The following MEAK7 variants were observed in gnomAD, a reference collection of about 807,000 sequenced individuals.
The protein encoded by MEAK7 is MTOR-associated protein MEAK7.
A neutral mutation model predicts 40.5 loss-of-function variants in MEAK7; 68 were observed. The ratio of observed to expected loss-of-function variants is 1.68; its 90% CI spans 1.38 to 2.06. MEAK7 has a LOEUF of 2.06. MEAK7 is among the 30% of genes most tolerant of loss of function. The pLI is 0.00. For synonymous variants in MEAK7, 338 were observed against 231.9 expected, an observed-to-expected ratio of 1.46 and a Z score of -4.16; for missense variants, 918 against 580.5, an observed-to-expected ratio of 1.58 and a Z score of -5.98.
chr16:84,487,820 G>C (rs1172961244), intron 4 of MEAK7: 3 of 152,232 alleles, frequency 2.0e-5, no homozygotes, highest in Admixed American at 6.5e-5. Context: ...CCAAGGTCTG[G>C]ACCTCTGTGC....
intron 5 of MEAK7, among the ~76,000 whole-genome samples, chr16:84,483,420 T>C (rs1189358079): frequency 6.6e-6 from 1 of 152,230 alleles, no homozygotes; most frequent in East Asian, 1.9e-4. Flanking sequence ...TTCTGAGGAC[T>C]TGGCCGGAAG....
At position 84,477,628 on chromosome 16, in the gene MEAK7, G is replaced by C. The variant is rs1026674291; in HGVS notation, c.*2285C>G. ...CTAGCACTTTCTAGGGCCCTGATAA[G>C]TCTTCATTTGTAGGGAGACCTCTAG... On this transcript the variant is annotated 3_prime_UTR_variant, in exon 8 of 8. Transcript: ENST00000343629. The C allele has an allele frequency of 6.8e-6, 1 of 148,032 alleles. No homozygotes were observed. Among genetic ancestry groups the C allele is most frequent in the Non-Finnish European group, 1.5e-5 (1 of 67,234 alleles). The allele number at this position is 148,032 out of a possible 1,614,324, so 9.2% of individuals were successfully genotyped here.
chr16:84,496,881 A>AT (rs1275036377), intron 2 of MEAK7, among the ~76,000 whole-genome samples: 1 of 152,036 alleles, frequency 6.6e-6, no homozygotes, highest in Non-Finnish European at 1.5e-5. Flanking sequence ...AGCAGCTGCC[A>AT]TTTGCATGTC....
At chr16:84,495,043 C>T (rs907723566) in intron 3 of MEAK7, among the ~76,000 whole-genome samples, 2 of 152,148 alleles carry the variant, frequency 1.3e-5, no homozygotes, top group South Asian at 2.1e-4. Flanking sequence ...CCAAGGCAGG[C>T]GGACCACCTA....
In MEAK7 at chr16:84,478,621, G is replaced by C. The variant is rs111608997; in HGVS notation, c.*1292C>G. Reference sequence around the variant, plus strand: ...TCTCATGGCCAACCGGTGACTCACCGTGTGTTGTTTTCCAGACGTGGGCAG... The same window carrying C: ...TCTCATGGCCAACCGGTGACTCACCCTGTGTTGTTTTCCAGACGTGGGCAG... On this transcript the variant is annotated 3_prime_UTR_variant, in exon 8 of 8. Transcript: ENST00000343629. 6.6e-6 allele frequency: 1 copy of C among 152,200 alleles called. No individual in the cohort carries two copies. Among genetic ancestry groups the C allele is most frequent in the African/African-American group, 2.4e-5 (1 of 41,430 alleles). The allele number at this position is 152,200 out of a possible 1,614,324, so 9.4% of individuals were successfully genotyped here.
chr16:84,482,735 A>G, intron 5 of MEAK7, 25 bp from the exon 6 acceptor site: 1 of 1,613,376 alleles, frequency 6.2e-7, no homozygotes, highest in Non-Finnish European at 8.5e-7. Flanking sequence ...AGAACAAAAC[A>G]AACAGGGTCG....
At chr16:84,484,011 T>C (rs1416704198) in intron 5 of MEAK7, among the ~76,000 whole-genome samples, 1 of 152,182 alleles carries the variant, frequency 6.6e-6, no homozygotes, top group East Asian at 1.9e-4. Flanking sequence ...GACGCCGCCA[T>C]GAACAGCTGG....
chr16:84,485,095 G>A (rs903614917), intron 5 of MEAK7, among the ~76,000 whole-genome samples: 10 of 152,292 alleles, frequency 6.6e-5, no homozygotes, highest in South Asian at 2.1e-4. Flanking sequence ...CCCGGAGCCC[G>A]AGGCTGGGCT....
chr16:84,495,578 C>G, intron 3 of MEAK7, 105 bp downstream of exon 3: 2 of 1,049,142 alleles, frequency 1.9e-6, no homozygotes, highest in Non-Finnish European at 2.9e-6. Flanking sequence ...AGCTCAAATA[C>G]TTTTTGGTTT....
chr16:84,489,484 C>A (rs543636418), intron 3 of MEAK7, 62 bp from the exon 4 acceptor site: 1 of 1,511,692 alleles, frequency 6.6e-7, no homozygotes, highest in Non-Finnish European at 8.9e-7. Flanking sequence ...CTATGTCATG[C>A]CCACATGGAG....
At chr16:84,482,503 G>A in intron 6 of MEAK7, 89 bp downstream of exon 6, 1 of 1,602,096 alleles carries the variant, frequency 6.2e-7, no homozygotes, top group Non-Finnish European at 8.5e-7. Context: ...CACGCGCCCT[G>A]CCCTGATCTG....
At chr16:84,490,840 G>A (rs921698279) in intron 3 of MEAK7, among the ~76,000 whole-genome samples, 1 of 152,126 alleles carries the variant, frequency 6.6e-6, no homozygotes, top group East Asian at 1.9e-4. Context: ...TCCGCTGTAT[G>A]AAGGACCTAA....
intron 3 of MEAK7, 49 bp from the exon 4 acceptor site, chr16:84,489,471 G>A (rs769892525): frequency 1.9e-6 from 3 of 1,548,836 alleles, no homozygotes; most frequent in East Asian, 4.7e-5. Context: ...CATATCCTGA[G>A]ACCTATGTCA....
At chr16:84,480,936 C>G (rs889833791) in intron 6 of MEAK7, among the ~76,000 whole-genome samples, 4 of 152,204 alleles carry the variant, frequency 2.6e-5, no homozygotes, top group African/African-American at 9.6e-5. Context: ...AGACACCCAC[C>G]CCATGGCTCT....
intron 3 of MEAK7, among the ~76,000 whole-genome samples, chr16:84,495,371 CTA>C (rs1913952533): frequency 6.6e-6 from 1 of 152,220 alleles, no homozygotes; most frequent in Non-Finnish European, 1.5e-5. Flanking sequence ...CACACATTGA[CTA>C]TTTCCCTACC....
At chr16:84,503,986 C>G in intron 1 of MEAK7, 1 of 985,530 alleles carries the variant, frequency 1.0e-6, no homozygotes, top group Non-Finnish European at 1.2e-6. Context: ...TTCCAACTGC[C>G]TCATCTGGAC....
At position 84,479,652 on chromosome 16, in the gene MEAK7, A is replaced by C; in HGVS notation, c.*261T>G. ...TATAAGACTGAGTTACTAATTTGAC[A>C]CAAGATTTCTTGGAGAGATCCTGAG... On this transcript the variant is annotated 3_prime_UTR_variant, in exon 8 of 8. Transcript: ENST00000343629. The C allele has an allele frequency of 2.8e-6, 1 of 352,692 alleles. No homozygotes were observed. The highest frequency in any genetic ancestry group is 5.1e-6 in the Non-Finnish European group (1 of 197,206). 21.8% of individuals were successfully genotyped at this position (352,692 alleles called of 1,614,324 possible). A position where few individuals can be genotyped will look rare whatever the true frequency, so the allele number is the denominator to read the frequency against.
In MEAK7 at chr16:84,482,706, GT is replaced by G. The variant is rs756448240; in HGVS notation, c.962del (p.Asp321AlafsTer28). ...AGATGGAGAACAGGAAGCATCTGTT[GT>G]CCCCTGAAAGTAGCCAGAGAACAAA... ...SWEVKPQFQG[D>X]NRCFLFSICP... On this transcript the variant is annotated frameshift_variant, in exon 6 of 8. Transcript: ENST00000343629. LOFTEE classifies it high-confidence loss of function. 6.2e-7 allele frequency: 1 copy of G among 1,614,098 alleles called. No individual in the cohort carries two copies. Among genetic ancestry groups the G allele is most frequent in the Non-Finnish European group, 8.5e-7 (1 of 1,179,978 alleles).
intron 5 of MEAK7, among the ~76,000 whole-genome samples, chr16:84,484,271 TG>T (rs1297959813): frequency 6.6e-6 from 1 of 152,176 alleles, no homozygotes; most frequent in Non-Finnish European, 1.5e-5. Flanking sequence ...TGATTATCTG[TG>T]GAAAAAAGTG....
Sources: allele counts gnomAD v4.1 joint callset (sites outside exome capture counted in the v4.1 genomes callset), GRCh38; gene constraint gnomAD v4.1.1; transcripts MANE v1.5; gene names NCBI Gene and HGNC (gene_info 2026-07-23, HGNC 2026-07-21).